The following IL4I1 variants were observed in gnomAD, a reference collection of about 807,000 sequenced individuals.
The protein encoded by IL4I1 is interleukin 4 induced 1.
A neutral mutation model predicts 29.7 loss-of-function variants in IL4I1; 24 were observed. The ratio of observed to expected loss-of-function variants is 0.81; its 90% CI spans 0.59 to 1.14. The LOEUF (loss-of-function observed/expected upper bound fraction) is 1.14, where lower values mean the gene tolerates loss of function less well. Among genes scored for constraint, IL4I1 ranks in the 50% most tolerant of loss-of-function variants. IL4I1 has a pLI of 0.00. For synonymous variants in IL4I1, 371 were observed against 352.5 expected (o/e 1.05, Z -0.59); for missense variants, 686 against 785.6 (o/e 0.87, Z 1.52).
At chr19:49,924,501 C>G (rs147540590) in intron 2 of IL4I1, among the ~76,000 whole-genome samples, 2,521 of 152,272 alleles carry the variant, frequency 0.017, 69 homozygotes, top group African/African-American at 0.057. Flanking sequence ...TGCCTGCAAC[C>G]ACCGCCTCAC....
At chr19:49,916,192 C>A (rs2122679608) in intron 2 of IL4I1, among the ~76,000 whole-genome samples, 2 of 152,268 alleles carry the variant, frequency 1.3e-5, no homozygotes, top group South Asian at 4.1e-4. Context: ...GACATTCTGC[C>A]TGGGACGGGA....
intron 3 of IL4I1, among the ~76,000 whole-genome samples, chr19:49,903,005 CT>C (rs1240746022): frequency 2.6e-5 from 4 of 151,966 alleles, no homozygotes; most frequent in African/African-American, 9.7e-5. Context: ...GTCCCAGCTA[CT>C]CAGGAGGCTG....
chr19:49,897,160 C>T (rs1248354474), upstream of IL4I1, among the ~76,000 whole-genome samples: 8 of 152,204 alleles, frequency 5.3e-5, no homozygotes, highest in Admixed American at 1.3e-4. Flanking sequence ...GGTTTGCCCC[C>T]GTCCCTGATC....
chr19:49,922,251 C>A (rs188853064), intron 2 of IL4I1, among the ~76,000 whole-genome samples: 2 of 152,328 alleles, frequency 1.3e-5, no homozygotes, highest in African/African-American at 4.8e-5. Context: ...AGGTGCCCTG[C>A]GAGTCCCTGT....
chr19:49,891,293 G>A (rs1329087198), intron 6 of IL4I1, 112 bp downstream of exon 6: 3 of 1,420,884 alleles, frequency 2.1e-6, no homozygotes, highest in African/African-American at 2.8e-5. Context: ...GGTCAGGCAG[G>A]AAGGCGGTGG....
intron 2 of IL4I1, among the ~76,000 whole-genome samples, chr19:49,906,353 T>C (rs1007912524): frequency 2.6e-5 from 4 of 152,164 alleles, no homozygotes; most frequent in Non-Finnish European, 4.4e-5. Context: ...GGACCACAGT[T>C]GCGTGCCACC....
Position 49,891,088 on chromosome 19 carries a change from C to T in IL4I1, c.656G>A (p.Gly219Glu). 1 of 1,613,296 alleles carries T rather than the reference C, an allele frequency of 6.2e-7. No homozygotes were observed. The highest frequency in any genetic ancestry group is 2.2e-5 in the East Asian group (1 of 44,862). ...CTGCACGGCCGGCCGGCTCAGGTTC[C>T]CCTCCCCGAGAAGATATTCCTGCAG... is the stretch of plus-strand genomic sequence containing the variant. ...HTLLEYLLGEGNLSRPAVQLL... is the reference protein window; with the variant it reads ...HTLLEYLLGEENLSRPAVQLL... The change falls in exon 7 of 8, where the codon GGG (glycine) becomes GAG (glutamate). Residue 219 changes from glycine to glutamate, a missense_variant. By Grantham distance (98) the Gly-to-Glu change is moderately conservative. Transcript: ENST00000391826.
rs530372497 is a variant in IL4I1 at position 49,914,726 on chromosome 19, G to GTTTTTTTTTTTT, written c.-227-10417_-227-10406dup. On this transcript the variant is annotated intron_variant, in intron 2 of 9. Transcript: ENST00000341114. ...GATTCTTGTGCCACTCCAAGTCCCAGTTTTTTTTTTTTTTTTTTTTTTTTT... is the reference window on the plus strand; with the variant it reads ...GATTCTTGTGCCACTCCAAGTCCCAGTTTTTTTTTTTTTTTTTTTTTTTTTTTTTTTTTTTTT... Among the ~76,000 whole-genome samples, 91 of 56,398 alleles carry GTTTTTTTTTTTT rather than the reference G, an allele frequency of 1.6e-3. 14 individuals are homozygous for GTTTTTTTTTTTT. Among genetic ancestry groups the GTTTTTTTTTTTT allele is most frequent in the East Asian group, 6.5e-3 (8 of 1,230 alleles). The allele number at this position is 56,398 out of a possible 152,430, so 37.0% of individuals were successfully genotyped here. A position where few individuals can be genotyped will look rare whatever the true frequency, so the allele number is the denominator to read the frequency against.
Position 49,890,015 on chromosome 19 carries a change from GC to G in IL4I1, c.1358del (p.Gly453AlafsTer?). ...RWAEDQHSQG[G>X]FVVQPPALWQ... ...AGAGCGCCGGCGGCTGTACCACAAAGCCACCCTGGCTGTGCTGGTCCTCCGC... is the reference window on the plus strand; with the variant it reads ...AGAGCGCCGGCGGCTGTACCACAAAGCACCCTGGCTGTGCTGGTCCTCCGC... On this transcript the variant is annotated frameshift_variant, in exon 8 of 8. Coordinates refer to ENST00000391826, the MANE Select transcript of IL4I1 (RefSeq NM_152899.2). LOFTEE classifies it low-confidence loss of function (END_TRUNC). 6.4e-7 allele frequency: 1 copy of G among 1,553,192 alleles called. No individual in the cohort carries two copies.
rs764993698 is a variant in IL4I1 at position 49,908,628 on chromosome 19, C to T, written c.-227-4307G>A. On this transcript the variant is annotated intron_variant, in intron 2 of 9. Transcript: ENST00000341114. ...TCCTTCTGCTGGGACAGGATGAAGT[C>T]GAGCTCCTGGTCCAGCCTCTTCTGG... The T allele has an allele frequency of 1.1e-5, 17 of 1,613,462 alleles. No individual in the cohort carries two copies. The South Asian group carries it at 1.5e-4, about 15-fold the overall frequency.
At chr19:49,899,425 C>T (rs2075250546), upstream of IL4I1, among the ~76,000 whole-genome samples, 1 of 152,180 alleles carries the variant, frequency 6.6e-6, no homozygotes, top group South Asian at 2.1e-4. Context: ...TGCTGTGTCA[C>T]TCAGGCTAGA....
upstream of IL4I1, chr19:49,901,887 C>G: frequency 2.2e-6 from 1 of 460,510 alleles, no homozygotes. Context: ...CATCTAAAAC[C>G]AGAGTGAGCA....
chr19:49,920,973 T>C (rs79722839), intron 2 of IL4I1, among the ~76,000 whole-genome samples: 4,449 of 152,212 alleles, frequency 0.029, 226 homozygotes, highest in African/African-American at 0.1. Context: ...AGACGGTTGC[T>C]ATGGAGGTTT....
At chr19:49,893,029 G>A (rs944098016) in intron 5 of IL4I1, among the ~76,000 whole-genome samples, 3 of 152,258 alleles carry the variant, frequency 2.0e-5, no homozygotes, top group African/African-American at 7.2e-5. Context: ...TAGTGGGTGT[G>A]AGGAACACAG....
At chr19:49,896,252 C>T (rs2075209199) in intron 1 of IL4I1, 70 bp from the exon 2 acceptor site, 36 of 1,455,768 alleles carry the variant, frequency 2.5e-5, no homozygotes, top group Non-Finnish European at 2.8e-5. Flanking sequence ...CTCTGTCTCC[C>T]ATGGGCTGCC....
In IL4I1 at chr19:49,890,647, GC is replaced by G. The variant is rs1230361139; in HGVS notation, c.774-48del. 4 of 1,430,966 alleles carry G rather than the reference GC, an allele frequency of 2.8e-6. No individual in the cohort carries two copies. In the Admixed American group the frequency reaches 7.7e-5, roughly 28 times the overall value. 88.6% of individuals were successfully genotyped at this position (1,430,966 alleles called of 1,614,324 possible). A position where few individuals can be genotyped will look rare whatever the true frequency, so the allele number is the denominator to read the frequency against. On this transcript the variant is annotated intron_variant, in intron 7 of 7. Transcript: ENST00000391826. ...GTGGGGGCGTGACCTGGGCTCTGCG[GC>G]CCTGCCCCTCTGCCTTGCCCCACCC...
In IL4I1 at chr19:49,908,576, T is replaced by C. The variant is rs1248275136; in HGVS notation, c.-227-4255A>G. ...CCCGCTCTGCTCCTTGACCAACTCC[T>C]CCAGTGGGCTCAGCAGGTCTTCCAG... On this transcript the variant is annotated intron_variant, in intron 2 of 9. Transcript: ENST00000341114. The C allele has an allele frequency of 6.2e-7, 1 of 1,614,148 alleles. No individual in the cohort carries two copies. Among genetic ancestry groups the C allele is most frequent in the Admixed American group, 1.7e-5 (1 of 60,018 alleles).
chr19:49,921,560 C>A lies in IL4I1; in HGVS notation c.-228+6134G>T, dbSNP rs1237654853. ...CGTCCGCTGCTCGCCAACCCCCATA[C>A]GTTCCTGCTCTGTGGTAGGTCAGGA... On this transcript the variant is annotated intron_variant, in intron 2 of 9. Coordinates refer to the IL4I1 transcript ENST00000341114. This position sits in a 1 kb window ranked among gnomAD's most constrained non-coding sequence, Gnocchi z 5.4. Among the ~76,000 whole-genome samples the A allele has an allele frequency of 6.6e-6, 1 of 152,210 alleles. No homozygotes were observed. The highest frequency in any genetic ancestry group is 1.5e-5 in the Non-Finnish European group (1 of 68,036).
At chr19:49,900,596 C>A (rs1037437356), upstream of IL4I1, among the ~76,000 whole-genome samples, 5 of 152,002 alleles carry the variant, frequency 3.3e-5, no homozygotes, top group Admixed American at 6.6e-5. Context: ...CCTCCAGAAT[C>A]ATTTCTGATA....
Sources: gnomAD v4.1 joint callset for allele counts (sites outside exome capture counted in the v4.1 genomes callset) on GRCh38, gnomAD v4.1.1 for gene constraint, Gnocchi (gnomAD v3.1) non-coding constraint, MANE v1.5 for transcripts, NCBI Gene and HGNC (gene_info 2026-07-23, HGNC 2026-07-21) for gene names.